The following RAP1A variants were observed in gnomAD, a reference collection of about 807,000 sequenced individuals.
RAP1A encodes the protein RAP1A, member of RAS oncogene family.
A neutral mutation model predicts 26.4 loss-of-function variants in RAP1A; 6 were observed. That is an observed-to-expected ratio of 0.23 (90% CI 0.12 to 0.45). RAP1A has a LOEUF of 0.45. Among genes scored for constraint, RAP1A ranks in the 20% least tolerant of loss-of-function variants. The pLI, the probability that RAP1A is intolerant of heterozygous loss-of-function variation, is 0.99. For missense variants in RAP1A, 121 were observed against 217.2 expected (o/e 0.56, Z 2.78); for synonymous variants, 73 against 79.4 (o/e 0.92, Z 0.43).
At chr1:111,601,085 G>A (rs1402354141) in intron 1 of RAP1A, among the ~76,000 whole-genome samples, 1 of 152,144 alleles carries the variant, frequency 6.6e-6, no homozygotes, top group Non-Finnish European at 1.5e-5. Flanking sequence ...GACCTTTCTT[G>A]AGGGCCTGGT....
chr1:111,574,103 G>C (rs1267516292), intron 1 of RAP1A, among the ~76,000 whole-genome samples: 3 of 152,196 alleles, frequency 2.0e-5, no homozygotes, highest in Non-Finnish European at 4.4e-5. Context: ...TTACATGTAA[G>C]TCTTTAATCT....
intron 1 of RAP1A, among the ~76,000 whole-genome samples, chr1:111,647,507 A>G (rs1660108136): frequency 6.6e-6 from 1 of 152,218 alleles, no homozygotes. Context: ...TGGTTCTGCC[A>G]AAAAGGTTGG....
chr1:111,664,373 CAAAAAAAAAAA>C (rs57610280), intron 1 of RAP1A, among the ~76,000 whole-genome samples: 3 of 89,868 alleles, frequency 3.3e-5, no homozygotes, highest in Admixed American at 1.4e-4. Flanking sequence ...GACTCCGTCT[CAAAAAAAAAAA>C]AAAAAAAAAA....
chr1:111,680,275 A>C (rs1312080048), intron 1 of RAP1A, among the ~76,000 whole-genome samples: 1 of 152,180 alleles, frequency 6.6e-6, no homozygotes, highest in Non-Finnish European at 1.5e-5. Context: ...AAGTGTCCAC[A>C]TCGTGGAAGG....
At chr1:111,679,517 CT>C (rs916713895) in intron 1 of RAP1A, among the ~76,000 whole-genome samples, 2 of 151,268 alleles carry the variant, frequency 1.3e-5, no homozygotes, top group African/African-American at 4.9e-5. Flanking sequence ...CTTTTCTTTT[CT>C]TTTTTTTTGT....
chr1:111,701,951 A>T (rs1435653154), intron 4 of RAP1A, among the ~76,000 whole-genome samples: 1 of 152,230 alleles, frequency 6.6e-6, no homozygotes, highest in East Asian at 1.9e-4. Flanking sequence ...TCTTTCCCAG[A>T]AAATACACTG....
At chr1:111,684,494 C>G (rs1661406499) in intron 1 of RAP1A, among the ~76,000 whole-genome samples, 1 of 151,458 alleles carries the variant, frequency 6.6e-6, no homozygotes, top group Non-Finnish European at 1.5e-5. Context: ...TTCCTATACA[C>G]TAATAACAGC....
intron 1 of RAP1A, among the ~76,000 whole-genome samples, chr1:111,640,326 T>C (rs1033887106): frequency 4.6e-5 from 7 of 152,380 alleles, no homozygotes; most frequent in African/African-American, 1.7e-4. Context: ...TGATATTTTG[T>C]GTTTTATAAA....
chr1:111,552,538 C>G (rs573763627), intron 1 of RAP1A, among the ~76,000 whole-genome samples: 167 of 152,300 alleles, frequency 1.1e-3, no homozygotes, highest in Non-Finnish European at 1.7e-3. Flanking sequence ...ACCATCTTCA[C>G]AGAGACCATA....
chr1:111,655,293 TGA>T (rs1660416283), intron 1 of RAP1A, among the ~76,000 whole-genome samples: 1 of 149,380 alleles, frequency 6.7e-6, no homozygotes, highest in East Asian at 1.9e-4. Context: ...GAAATTAACT[TGA>T]GCGTGATAAA....
At chr1:111,594,374 G>C (rs1358483246) in intron 1 of RAP1A, among the ~76,000 whole-genome samples, 1 of 152,122 alleles carries the variant, frequency 6.6e-6, no homozygotes, top group African/African-American at 2.4e-5. Flanking sequence ...CAGCTACTTG[G>C]GAGGCTAAGG....
At chr1:111,558,915 G>A (rs963756057) in intron 1 of RAP1A, among the ~76,000 whole-genome samples, 7 of 152,044 alleles carry the variant, frequency 4.6e-5, no homozygotes, top group African/African-American at 1.4e-4. Context: ...TATGTAAAAC[G>A]TAGTAACAAG....
intron 1 of RAP1A, among the ~76,000 whole-genome samples, chr1:111,608,919 A>G (rs1335234437): frequency 6.6e-6 from 1 of 152,198 alleles, no homozygotes; most frequent in Non-Finnish European, 1.5e-5. Context: ...TTTCATATCA[A>G]TGTCTCACTG....
At chr1:111,545,537 A>G (rs929612254) in intron 1 of RAP1A, among the ~76,000 whole-genome samples, 1 of 152,082 alleles carries the variant, frequency 6.6e-6, no homozygotes, top group Non-Finnish European at 1.5e-5. Flanking sequence ...ATTATCAGAT[A>G]TATGATTTAC....
chr1:111,694,061 T>G (rs1412153636), intron 2 of RAP1A, among the ~76,000 whole-genome samples: 1 of 152,138 alleles, frequency 6.6e-6, no homozygotes, highest in African/African-American at 2.4e-5. Flanking sequence ...GTTAAATTTT[T>G]AAATTTTTTG....
intron 1 of RAP1A, among the ~76,000 whole-genome samples, chr1:111,654,024 TGGCATATTAACTG>T (rs1398965210): frequency 1.3e-5 from 2 of 152,206 alleles, no homozygotes; most frequent in African/African-American, 4.8e-5. Flanking sequence ...GCTTCTAAAC[TGGCATATTAACTG>T]ATCTGGCCTG....
At chr1:111,706,754 C>T in intron 6 of RAP1A, 3 of 982,818 alleles carry the variant, frequency 3.1e-6, no homozygotes, top group Non-Finnish European at 3.6e-6. Flanking sequence ...TTGCCCTCAT[C>T]ACTGAACCAT....
At position 111,627,261 on chromosome 1, in the gene RAP1A, TTTTA is replaced by T. The variant is rs138580615; in HGVS notation, c.-28+7335_-28+7338del. Among the ~76,000 whole-genome samples, 1,309 of 152,260 alleles carry T rather than the reference TTTTA, an allele frequency of 8.6e-3. 21 individuals are homozygous for T. The highest frequency in any genetic ancestry group is 0.03 in the African/African-American group (1,245 of 41,550). On this transcript the variant is annotated intron_variant, in intron 1 of 7. Coordinates refer to ENST00000369709, the MANE Select transcript of RAP1A (RefSeq NM_002884.4). ...AGTTTATTCCTTGCATGTACGGATT[TTTTA>T]TTTATTTTTTTTACGAAACTTAGAA... is the stretch of plus-strand genomic sequence containing the variant.
At chr1:111,699,224 C>A (rs2101273057) in intron 4 of RAP1A, among the ~76,000 whole-genome samples, 1 of 152,200 alleles carries the variant, frequency 6.6e-6, no homozygotes, top group Admixed American at 6.5e-5. Context: ...TACACTGATT[C>A]AATCAGAATT....
Sources: gnomAD v4.1 joint callset for allele counts (sites outside exome capture counted in the v4.1 genomes callset) on GRCh38, gnomAD v4.1.1 for gene constraint, MANE v1.5 for transcripts, NCBI Gene and HGNC (gene_info 2026-07-23, HGNC 2026-07-21) for gene names.